Variants in DYNC2LI1 observed in about 807,000 individuals in gnomAD.
DYNC2LI1 encodes dynein cytoplasmic 2 light intermediate chain 1.
In DYNC2LI1, 45 loss-of-function variants were observed where a neutral mutation model predicts 51.9. That is an observed-to-expected ratio of 0.87 (90% CI 0.68 to 1.11). DYNC2LI1 has a LOEUF of 1.11. Ranked by LOEUF, DYNC2LI1 falls within the 50% of genes most tolerant of loss-of-function variation. The pLI, the probability that DYNC2LI1 is intolerant of heterozygous loss-of-function variation, is 0.00. For synonymous variants in DYNC2LI1, 130 were observed against 137.8 expected, an observed-to-expected ratio of 0.94 and a Z score of 0.40; for missense variants, 490 against 417.4, an observed-to-expected ratio of 1.17 and a Z score of -1.51.
intron 5 of DYNC2LI1, chr2:43,792,829 T>C: frequency 6.6e-7 from 1 of 1,511,282 alleles, no homozygotes; most frequent in Non-Finnish European, 8.8e-7. Context: ...TGTGTCAGGA[T>C]TTCCCTCACT....
At position 43,795,934 on chromosome 2, in the gene DYNC2LI1, T is replaced by C. The variant is rs757643941; in HGVS notation, c.552T>C (p.Ile184=). The change falls in exon 7 of 13, where the codon ATT becomes ATC. Residue 184 remains isoleucine (I), a synonymous_variant. Transcript: ENST00000260605. ...CATTTCCGGTACCTCTGGTCATAAT[T>C]GGAAGTAAATATGATGTTTTTCAGG... ...IDPFPVPLVI[I]GSKYDVFQDF... is the part of the protein sequence containing the mutation. The C allele has an allele frequency of 9.3e-6, 15 of 1,613,346 alleles. No homozygotes were observed.
intron 2 of DYNC2LI1, among the ~76,000 whole-genome samples, chr2:43,778,417 A>G (rs1673121370): frequency 6.6e-6 from 1 of 152,046 alleles, no homozygotes; most frequent in African/African-American, 2.4e-5. Context: ...GCCTCCTAGA[A>G]TGCTGGGATT....
chr2:43,795,616 A>T (rs79404695), intron 6 of DYNC2LI1, among the ~76,000 whole-genome samples: 1 of 152,290 alleles, frequency 6.6e-6, no homozygotes, highest in African/African-American at 2.4e-5. Flanking sequence ...AAAAAAAACC[A>T]GGAAGGTAAT....
At chr2:43,786,988 T>A (rs1254498043) in intron 3 of DYNC2LI1, among the ~76,000 whole-genome samples, 193 bp from the exon 4 acceptor site, 1 of 152,252 alleles carries the variant, frequency 6.6e-6, no homozygotes, top group Non-Finnish European at 1.5e-5. Context: ...ATGCATGTGC[T>A]GTTAAAATCC....
the DYNC2LI1 span, among the ~76,000 whole-genome samples, chr2:43,821,297 C>T: frequency 6.6e-6 from 1 of 152,096 alleles, no homozygotes; most frequent in African/African-American, 2.4e-5. Context: ...TCTTTTTGCT[C>T]CTCTCCCCTA....
downstream of DYNC2LI1, chr2:43,812,332 T>C (rs1218076481): frequency 3.8e-5 from 5 of 130,316 alleles, no homozygotes; most frequent in Middle Eastern, 0.012. Flanking sequence ...TTTTTTTTTT[T>C]TCGGTAGGTT....
intron 3 of DYNC2LI1, among the ~76,000 whole-genome samples, chr2:43,784,774 GA>G (rs1467879887): frequency 2.6e-5 from 4 of 151,998 alleles, no homozygotes; most frequent in Non-Finnish European, 5.9e-5. Flanking sequence ...GTCTACTTAG[GA>G]AAAGGTTAAT....
the DYNC2LI1 span, among the ~76,000 whole-genome samples, chr2:43,822,301 A>T: frequency 6.6e-6 from 1 of 152,070 alleles, no homozygotes; most frequent in Non-Finnish European, 1.5e-5. Flanking sequence ...TGAAGTGTTT[A>T]TGACACTTCC....
At chr2:43,825,147 G>T in the DYNC2LI1 span, 1 of 1,142,876 alleles carries the variant, frequency 8.7e-7, no homozygotes, top group Non-Finnish European at 1.3e-6. Flanking sequence ...TATGGGAAAT[G>T]CATTTCCCAT....
At position 43,774,135 on chromosome 2, in the gene DYNC2LI1, G is replaced by C. The variant is rs374982508; in HGVS notation, c.-4G>C. The stretch of plus-strand genomic sequence containing the variant: ...TGACGTTTGCGGCAGCCAGGCCGTC[G>C]ACGATGCCCAGGTATTCCCTGAACC... On this transcript the variant is annotated 5_prime_UTR_variant, in exon 1 of 13. Coordinates refer to ENST00000260605, the MANE Select transcript of DYNC2LI1 (RefSeq NM_016008.4). 30 of 1,613,976 alleles carry C rather than the reference G, an allele frequency of 1.9e-5. No homozygotes were observed. The highest frequency in any genetic ancestry group is 2.4e-5 in the Non-Finnish European group (28 of 1,179,976).
chr2:43,774,437 A>G (rs187681560), intron 1 of DYNC2LI1, among the ~76,000 whole-genome samples: 1 of 152,340 alleles, frequency 6.6e-6, no homozygotes, highest in African/African-American at 2.4e-5. Flanking sequence ...CCGGAGCAGG[A>G]CATTCGGCGA....
In DYNC2LI1 at chr2:43,809,850, T is replaced by C; in HGVS notation, c.*83T>C. ...CTGTGAATTAACTATTGTGGCAATA[T>C]GTGAAGAAAGTTAAACTGTATAATT... On this transcript the variant is annotated 3_prime_UTR_variant, in exon 13 of 13. Coordinates refer to ENST00000260605, the MANE Select transcript of DYNC2LI1 (RefSeq NM_016008.4). The C allele has an allele frequency of 1.3e-6, 2 of 1,513,432 alleles. No homozygotes were observed. Among genetic ancestry groups the C allele is most frequent in the South Asian group, 1.3e-5 (1 of 76,634 alleles). The allele number at this position is 1,513,432 out of a possible 1,614,324, so 93.8% of individuals were successfully genotyped here. A position where few individuals can be genotyped will look rare whatever the true frequency, so the allele number is the denominator to read the frequency against.
chr2:43,775,844 C>T (rs1372183595), intron 1 of DYNC2LI1: 3 of 180,254 alleles, frequency 1.7e-5, no homozygotes, highest in South Asian at 6.4e-5. Flanking sequence ...CCCGCCACCA[C>T]ACCTGGCCAA....
the DYNC2LI1 span, chr2:43,825,072 TTGAA>T: frequency 5.6e-6 from 9 of 1,602,316 alleles, no homozygotes; most frequent in Non-Finnish European, 7.7e-6. Context: ...GCGATGCACT[TTGAA>T]TGTCTCTGGG....
intron 3 of DYNC2LI1, among the ~76,000 whole-genome samples, chr2:43,785,443 C>A (rs1047905142): frequency 2.0e-5 from 3 of 151,184 alleles, no homozygotes; most frequent in Non-Finnish European, 4.4e-5. Context: ...AAAAAAAACA[C>A]AAATATTGGG....
chr2:43,818,958 T>A, the DYNC2LI1 span, among the ~76,000 whole-genome samples: 14 of 152,168 alleles, frequency 9.2e-5, no homozygotes, highest in Admixed American at 7.2e-4. Flanking sequence ...TAGGTCAGCC[T>A]CTCTCCACGA....
chr2:43,827,952 G>C, the DYNC2LI1 span: 2 of 1,613,032 alleles, frequency 1.2e-6, no homozygotes, highest in Admixed American at 3.3e-5. Flanking sequence ...TGCCCAGACA[G>C]CAGCTAGTAA....
At chr2:43,782,697 T>A (rs943304943) in intron 2 of DYNC2LI1, among the ~76,000 whole-genome samples, 31 of 152,208 alleles carry the variant, frequency 2.0e-4, no homozygotes, top group African/African-American at 6.7e-4. Flanking sequence ...AAAAGAAACT[T>A]GGGGTTGGGC....
In DYNC2LI1 at chr2:43,774,124, G is replaced by A. The variant is rs764835534; in HGVS notation, c.-15G>A. ...CTCCGAGCCTGTGACGTTTGCGGCA[G>A]CCAGGCCGTCGACGATGCCCAGGTA... On this transcript the variant is annotated 5_prime_UTR_variant, in exon 1 of 13. Coordinates refer to ENST00000260605, the MANE Select transcript of DYNC2LI1 (RefSeq NM_016008.4). 46 of 1,613,816 alleles carry A rather than the reference G, an allele frequency of 2.9e-5. No homozygotes were observed. The highest frequency in any genetic ancestry group is 3.3e-5 in the Non-Finnish European group (39 of 1,179,962).
Sources: gnomAD v4.1 joint callset for allele counts (sites outside exome capture counted in the v4.1 genomes callset) on GRCh38, gnomAD v4.1.1 for gene constraint, MANE v1.5 for transcripts, NCBI Gene and HGNC (gene_info 2026-07-23, HGNC 2026-07-21) for gene names.